The following SCN10A variants were observed in gnomAD, a reference collection of about 807,000 sequenced individuals.
SCN10A encodes the protein sodium channel protein type 10 subunit alpha.
SCN10A carries 162 observed loss-of-function variants against 170.7 expected under a neutral mutation model. The ratio of observed to expected loss-of-function variants is 0.95; its 90% confidence interval spans 0.84 to 1.08. SCN10A has a LOEUF of 1.08. SCN10A is among the 50% of genes least tolerant of loss of function. SCN10A has a pLI of 0.00. For synonymous variants in SCN10A, 985 were observed against 904.6 expected, an observed-to-expected ratio of 1.09 and a Z score of -1.59; for missense variants, 2,527 against 2,436.9, an observed-to-expected ratio of 1.04 and a Z score of -0.78.
chr3:38,801,217 C>T (rs528944082), intron 1 of SCN10A, among the ~76,000 whole-genome samples: 10 of 152,154 alleles, frequency 6.6e-5, no homozygotes, highest in South Asian at 4.1e-4. Flanking sequence ...TGAGTCTGAT[C>T]ACAGAAATGA....
Position 38,757,012 on chromosome 3 carries a change from C to A in SCN10A, c.1092+6G>T. On this transcript the variant is annotated splice_donor_region_variant and intron_variant, in intron 9 of 27. Transcript: ENST00000449082. ...CAAGTCTGCGTGGGGGAATGCAGCT[C>A]AGTACCTGCTGGTAGAGGCGTTCCC... 6.2e-7 allele frequency: 1 copy of A among 1,608,020 alleles called. No individual in the cohort carries two copies.
At chr3:38,774,242 A>G (rs547434765) in intron 4 of SCN10A, among the ~76,000 whole-genome samples, 3 of 152,304 alleles carry the variant, frequency 2.0e-5, no homozygotes, top group Non-Finnish European at 4.4e-5. Flanking sequence ...TTTCTAAATT[A>G]GAAAATCTTA....
At chr3:38,709,717 T>C (rs2063251770) in intron 24 of SCN10A, 102 bp from the exon 25 acceptor site, 1 of 1,061,790 alleles carries the variant, frequency 9.4e-7, no homozygotes. Flanking sequence ...AGGTGATTTA[T>C]CTGGGAGGTG....
chr3:38,761,848 G>C (rs2063877309), intron 6 of SCN10A, among the ~76,000 whole-genome samples: 1 of 151,388 alleles, frequency 6.6e-6, no homozygotes, highest in Non-Finnish European at 1.5e-5. Flanking sequence ...GAGAGAGAGA[G>C]AGAGAGAGAG....
At chr3:38,798,416 G>A (rs187367931) in intron 1 of SCN10A, among the ~76,000 whole-genome samples, 4 of 152,322 alleles carry the variant, frequency 2.6e-5, no homozygotes, top group Non-Finnish European at 1.5e-5. Flanking sequence ...CCTGGGAAAT[G>A]AGCAAGGTGC....
chr3:38,785,074 T>G (rs757713821), intron 4 of SCN10A, among the ~76,000 whole-genome samples: 6 of 152,176 alleles, frequency 3.9e-5, no homozygotes, highest in Non-Finnish European at 8.8e-5. Context: ...AATTTATAGA[T>G]TCAATGTTAT....
chr3:38,814,536 A>G (rs1433011895), intron 1 of SCN10A, among the ~76,000 whole-genome samples: 2 of 152,160 alleles, frequency 1.3e-5, no homozygotes, highest in African/African-American at 4.8e-5. Flanking sequence ...TTTCTTGGCA[A>G]TATTTATTTG....
intron 14 of SCN10A, among the ~76,000 whole-genome samples, chr3:38,740,785 TG>T: frequency 6.6e-6 from 1 of 152,300 alleles, no homozygotes; most frequent in East Asian, 1.9e-4. Context: ...ATGACTTTCT[TG>T]CTTTAAAAAA....
At chr3:38,736,962 C>CGTTTTT (rs2063567810) in intron 15 of SCN10A, among the ~76,000 whole-genome samples, 6 of 69,252 alleles carry the variant, frequency 8.7e-5, no homozygotes, top group African/African-American at 1.6e-4. Flanking sequence ...CAGAAATGTT[C>CGTTTTT]GTTTTTTTTT....
chr3:38,754,924 A>C (rs6599255), intron 11 of SCN10A, among the ~76,000 whole-genome samples: 101,366 of 151,976 alleles, frequency 0.67, 35,011 homozygotes, highest in African/African-American at 0.86. Context: ...CCCACACAGC[A>C]GATATTATCT....
At position 38,707,386 on chromosome 3, in the gene SCN10A, G is replaced by T; in HGVS notation, c.4282-3C>A. ...ATGAAGATGTCCTGGCCCCCTAAGT[G>T]CAGAGAGGGCCACACTGTTACTAAA... On this transcript the variant is annotated splice_polypyrimidine_tract_variant and splice_region_variant and intron_variant, in intron 25 of 27. Transcript: ENST00000449082. The T allele has an allele frequency of 6.2e-7, 1 of 1,613,778 alleles. No homozygotes were observed. Among genetic ancestry groups the T allele is most frequent in the Non-Finnish European group, 8.5e-7 (1 of 1,179,682 alleles).
At position 38,748,742 on chromosome 3, in the gene SCN10A, G is replaced by A. The variant is rs1279717417; in HGVS notation, c.1867+1331C>T. Among the ~76,000 whole-genome samples, 5 of 152,138 alleles carry A rather than the reference G, an allele frequency of 3.3e-5. No individual in the cohort carries two copies. In the East Asian group the frequency reaches 9.6e-4, roughly 29 times the overall value. ...CTGGAGCCACAGGGCTCTCTCTGAG[G>A]CTGCTTCAGGCCTTCTCTAACCTAA... On this transcript the variant is annotated intron_variant, in intron 13 of 27. Transcript: ENST00000449082.
At chr3:38,736,988 T>TTTTTTTTTTTTTTTTTTA in intron 15 of SCN10A, among the ~76,000 whole-genome samples, 1 of 127,392 alleles carries the variant, frequency 7.8e-6, no homozygotes, top group Non-Finnish European at 1.6e-5. Context: ...TTTTTTTTTT[T>TTTTTTTTTTTTTTTTTTA]GAGACGGAGT....
Position 38,726,957 on chromosome 3 carries a change from C to G in SCN10A, c.2736G>C (p.Val912=). 1.2e-6 allele frequency: 2 copies of G among 1,614,224 alleles called. No homozygotes were observed. The highest frequency in any genetic ancestry group is 1.7e-6 in the Non-Finnish European group (2 of 1,180,028). Residue 912 remains valine, a synonymous_variant, in exon 17 of 28, where the codon GTG becomes GTC. Transcript: ENST00000449082. ...CAAAGACCTGGATCCGTGCCAGGGC[C>G]ACCTGCAGGTTGTTCACCTCCCCAT... is the stretch of plus-strand genomic sequence containing the variant. ...EDDGEVNNLQ[V]ALARIQVFGH...
Position 38,726,874 on chromosome 3 carries a change from TG to T in SCN10A, c.2818del (p.Gln940SerfsTer10), listed in dbSNP as rs773484114. 2 of 1,614,200 alleles carry T rather than the reference TG, an allele frequency of 1.2e-6. No individual in the cohort carries two copies. Among genetic ancestry groups the T allele is most frequent in the Admixed American group, 3.3e-5 (2 of 60,026 alleles). On this transcript the variant is annotated frameshift_variant, in exon 17 of 28. Transcript: ENST00000449082. LOFTEE classifies it high-confidence loss of function. Reference protein sequence around the residue: ...SFFSRSCPFPQPKAEPELVVK... With the variant: ...SFFSRSCPFPXPKAEPELVVK... Reference sequence around the variant, plus strand: ...CACCAGCTCAGGCTCTGCCTTGGGCTGGGGGAATGGGCAGGACCTGCTGAAG... The same window carrying T: ...CACCAGCTCAGGCTCTGCCTTGGGCTGGGGAATGGGCAGGACCTGCTGAAG...
At chr3:38,710,053 G>A (rs1158860701) in intron 24 of SCN10A, among the ~76,000 whole-genome samples, 2 of 152,216 alleles carry the variant, frequency 1.3e-5, no homozygotes, top group African/African-American at 2.4e-5. Context: ...CAGCCTGCAG[G>A]TGAAATCAGA....
intron 1 of SCN10A, among the ~76,000 whole-genome samples, chr3:38,806,049 G>T (rs950104027): frequency 5.3e-5 from 8 of 152,276 alleles, no homozygotes; most frequent in African/African-American, 1.9e-4. Flanking sequence ...AGCTGAATGG[G>T]ACTGGCTTTC....
At chr3:38,803,581 A>G (rs576686499) in intron 1 of SCN10A, among the ~76,000 whole-genome samples, 1 of 146,834 alleles carries the variant, frequency 6.8e-6, no homozygotes, top group African/African-American at 2.5e-5. Flanking sequence ...GTTCTCACTC[A>G]TAGGTGGGAA....
At chr3:38,747,539 C>T (rs1370448953) in intron 13 of SCN10A, among the ~76,000 whole-genome samples, 1 of 152,140 alleles carries the variant, frequency 6.6e-6, no homozygotes, top group Non-Finnish European at 1.5e-5. Flanking sequence ...ACTTTACAGG[C>T]TAAAAATCTG....
Sources: gnomAD v4.1 joint callset for allele counts (sites outside exome capture counted in the v4.1 genomes callset) on GRCh38, gnomAD v4.1.1 for gene constraint, MANE v1.5 for transcripts, NCBI Gene and HGNC (gene_info 2026-07-23, HGNC 2026-07-21) for gene names.